The following ZFYVE16 variants were observed in gnomAD, a reference collection of about 807,000 sequenced individuals.
The protein encoded by ZFYVE16 is zinc finger FYVE domain-containing protein 16.
A neutral mutation model predicts 138.1 loss-of-function variants in ZFYVE16; 89 were observed. The observed-to-expected ratio is 0.64, with a 90% confidence interval of 0.54 to 0.77. The LOEUF (loss-of-function observed/expected upper bound fraction) is 0.77, where lower values mean the gene tolerates loss of function less well. Among genes scored for constraint, ZFYVE16 ranks in the 30% least tolerant of loss-of-function variants. The pLI is 0.00. For synonymous variants in ZFYVE16, 596 were observed against 618.3 expected (o/e 0.96, Z 0.53); for missense variants, 1,793 against 1,786.7 (o/e 1.00, Z -0.06).
rs141386990 is a variant in ZFYVE16, at chr5:80,460,028, G to T, written c.4024+534G>T. Among the ~76,000 whole-genome samples, 21 of 152,178 alleles carry T rather than the reference G, an allele frequency of 1.4e-4. No individual in the cohort carries two copies. The East Asian group carries it at 4.1e-3, about 29-fold the overall frequency. ...ATATATGCAAGAGTGGAATTTATGG[G>T]CTGATAGATTAGTAAATGTTCACTT... On this transcript the variant is annotated intron_variant, in intron 15 of 18. Transcript: ENST00000505560.
At chr5:80,426,264 GTGTGTGTGTATATA>G (rs1561246040) in intron 1 of ZFYVE16, among the ~76,000 whole-genome samples, 5 of 55,010 alleles carry the variant, frequency 9.1e-5, no homozygotes, top group Admixed American at 2.9e-4. Context: ...GTGTGTGTGT[GTGTGTGTGTATATA>G]TATATATATA....
chr5:80,429,756 G>C (rs1336387823), intron 2 of ZFYVE16, among the ~76,000 whole-genome samples: 1 of 152,006 alleles, frequency 6.6e-6, no homozygotes, highest in East Asian at 1.9e-4. Context: ...GATGGAAAAA[G>C]ATATACCAAA....
rs773997145 is a variant in ZFYVE16 at position 80,450,437 on chromosome 5, C to G, written c.3233C>G (p.Ser1078Ter). 2.5e-6 allele frequency: 4 copies of G among 1,612,754 alleles called. No individual in the cohort carries two copies. Among genetic ancestry groups the G allele is most frequent in the Non-Finnish European group, 3.4e-6 (4 of 1,179,270 alleles). The change falls in exon 10 of 19, where the codon TCA becomes TGA. Residue 1078 changes from serine to a stop codon, truncating the protein, a stop_gained. Transcript: ENST00000505560. LOFTEE classifies it high-confidence loss of function. ...TATTCTTTTATCATCTAAGATTCCT[C>G]AGACAAATATTGGTACTTTTCAACC... ...LVNVKFIFYS[S>*]DKYWYFSTNG...
chr5:80,451,268 A>G (rs1163507188), intron 10 of ZFYVE16, among the ~76,000 whole-genome samples: 1 of 152,234 alleles, frequency 6.6e-6, no homozygotes, highest in East Asian at 1.9e-4. Context: ...ATATCTAGGA[A>G]TAACTGGGAG....
At chr5:80,468,148 C>G (rs1305402292) in intron 15 of ZFYVE16, among the ~76,000 whole-genome samples, 1 of 152,124 alleles carries the variant, frequency 6.6e-6, no homozygotes, top group African/African-American at 2.4e-5. Context: ...GTCAGGTTTA[C>G]AAAAGGTCCA....
At position 80,459,436 on chromosome 5, in the gene ZFYVE16, A is replaced by G. The variant is rs771828546; in HGVS notation, c.3966A>G (p.Val1322=). 2 of 1,613,178 alleles carry G rather than the reference A, an allele frequency of 1.2e-6. No individual in the cohort carries two copies. Among genetic ancestry groups the G allele is most frequent in the East Asian group, 4.5e-5 (2 of 44,748 alleles). The change falls in exon 15 of 19, where the codon GTA becomes GTG. Residue 1322 remains valine (V), a synonymous_variant. Transcript: ENST00000505560. ...PRKVTGASFV[V]FNGALKTSSG... ...CAGTGACAGGTGCAAGTTTTGTGGT[A>G]TTCAATGGAGCTCTAAAAACATCTT... is the stretch of plus-strand genomic sequence containing the variant.
rs371215335 is a variant in ZFYVE16, at chr5:80,477,322, C to A, written c.4565C>A (p.Ser1522Tyr). ...IPVIHGGTSN[S>Y]SLPLEIELVF... is the part of the protein sequence containing the mutation. ...GTGATCCATGGTGGGACCTCCAACT[C>A]TAGTTTACCATTAGAAATAGAATTA... The change falls in exon 19 of 19, where the codon TCT becomes TAT. Residue 1522 changes from serine (S) to tyrosine (Y), a missense_variant. This residue lies in a region of ZFYVE16 where 498 missense variants were observed against 582.4 expected (regional missense o/e 0.86). Coordinates refer to ENST00000505560, the MANE Select transcript of ZFYVE16 (RefSeq NM_001284236.3). The A allele has an allele frequency of 4.3e-6, 7 of 1,609,448 alleles. No individual in the cohort carries two copies. In the African/African-American group the frequency reaches 9.4e-5, roughly 22 times the overall value.
At chr5:80,418,414 G>A (rs995392296) in intron 1 of ZFYVE16, among the ~76,000 whole-genome samples, 1 of 150,786 alleles carries the variant, frequency 6.6e-6, no homozygotes, top group African/African-American at 2.4e-5. Context: ...CTGGGCTCAA[G>A]CTATCCTCCC....
intron 4 of ZFYVE16, 101 bp from the exon 5 acceptor site, chr5:80,439,835 A>G: frequency 1.3e-6 from 1 of 745,944 alleles, no homozygotes; most frequent in Admixed American, 3.1e-5. Context: ...CAATAAGGAA[A>G]AAGAATTTTG....
At chr5:80,426,264 G>C (rs1305060524) in intron 1 of ZFYVE16, among the ~76,000 whole-genome samples, 2 of 55,060 alleles carry the variant, frequency 3.6e-5, no homozygotes, top group Admixed American at 2.9e-4. Context: ...GTGTGTGTGT[G>C]TGTGTGTGTA....
At chr5:80,420,076 C>T (rs932161341) in intron 1 of ZFYVE16, among the ~76,000 whole-genome samples, 48 of 149,960 alleles carry the variant, frequency 3.2e-4, no homozygotes, top group Non-Finnish European at 8.9e-5. Flanking sequence ...CCCCAAAGTG[C>T]TGGGATTACA....
At position 80,440,367 on chromosome 5, in the gene ZFYVE16, C is replaced by T. The variant is rs181449951; in HGVS notation, c.2419+335C>T. 1.3e-3 allele frequency: 1,307 copies of T among 1,005,686 alleles called. 10 individuals carry two copies. The African/African-American group carries it at 0.02, about 16-fold the overall frequency. 62.3% of individuals were successfully genotyped at this position (1,005,686 alleles called of 1,614,324 possible). ...TCATCTTAATCTAAATAAACACTTA[C>T]AGATACCTACCAATAGTAGTACTCA... On this transcript the variant is annotated intron_variant, in intron 5 of 18. Coordinates refer to ENST00000505560, the MANE Select transcript of ZFYVE16 (RefSeq NM_001284236.3).
chr5:80,425,305 A>G (rs1438476104), intron 1 of ZFYVE16, among the ~76,000 whole-genome samples: 1 of 152,136 alleles, frequency 6.6e-6, no homozygotes, highest in African/African-American at 2.4e-5. Flanking sequence ...AGCTCTGCCT[A>G]ATTTTCAAGC....
intron 4 of ZFYVE16, 91 bp from the exon 5 acceptor site, chr5:80,439,845 G>A: frequency 3.7e-6 from 3 of 817,062 alleles, no homozygotes; most frequent in Non-Finnish European, 5.4e-6. Context: ...AAAGAATTTT[G>A]GTTAATTAGG....
At chr5:80,440,505 T>C in intron 5 of ZFYVE16, 2 of 985,468 alleles carry the variant, frequency 2.0e-6, no homozygotes, top group Non-Finnish European at 1.2e-6. Context: ...TATAAATTCA[T>C]AGGACTGCCA....
intron 15 of ZFYVE16, among the ~76,000 whole-genome samples, chr5:80,462,583 T>TTCC (rs1753243803): frequency 6.6e-6 from 1 of 152,104 alleles, no homozygotes; most frequent in Non-Finnish European, 1.5e-5. Context: ...AACTATATCA[T>TTCC]TCCTCCCCTG....
At chr5:80,414,241 G>A (rs1276885818) in intron 1 of ZFYVE16, among the ~76,000 whole-genome samples, 1 of 152,072 alleles carries the variant, frequency 6.6e-6, no homozygotes, top group African/African-American at 2.4e-5. Flanking sequence ...CCTCTTAGTA[G>A]ATTCAAACAC....
chr5:80,415,568 A>G (rs1247093126), intron 1 of ZFYVE16, among the ~76,000 whole-genome samples: 1 of 152,172 alleles, frequency 6.6e-6, no homozygotes, highest in Non-Finnish European at 1.5e-5. Context: ...GATTTGTCTC[A>G]TGTTTTTCTC....
chr5:80,414,323 A>G (rs1290881247), intron 1 of ZFYVE16, among the ~76,000 whole-genome samples: 2 of 151,634 alleles, frequency 1.3e-5, no homozygotes, highest in South Asian at 2.1e-4. Context: ...CTGTTGCACA[A>G]CTCTCTTCCT....
Sources: gnomAD v4.1 joint callset for allele counts (sites outside exome capture counted in the v4.1 genomes callset) on GRCh38, gnomAD v4.1.1 for gene constraint, gnomAD v4.1.1 regional missense constraint, MANE v1.5 for transcripts, NCBI Gene and HGNC (gene_info 2026-07-23, HGNC 2026-07-21) for gene names.